MLLT3: variants seen among roughly 807,000 people sequenced by gnomAD.
MLLT3 encodes MLLT3 super elongation complex subunit, also known as protein AF-9.
A neutral mutation model predicts 53.2 loss-of-function variants in MLLT3; 4 were observed. The ratio of observed to expected loss-of-function variants is 0.08; its 90% CI spans 0.04 to 0.17. The LOEUF (loss-of-function observed/expected upper bound fraction) is 0.17, where lower values mean the gene tolerates loss of function less well. MLLT3 is among the 10% of genes least tolerant of loss of function. The probability of loss-of-function intolerance (pLI) is 1.00; values close to 1 mark genes in which losing one functional copy is unlikely to be tolerated. For missense variants in MLLT3, 569 were observed against 684.0 expected, an observed-to-expected ratio of 0.83 and a Z score of 1.87; for synonymous variants, 283 against 230.6, an observed-to-expected ratio of 1.23 and a Z score of -2.06.
intron 3 of MLLT3, among the ~76,000 whole-genome samples, chr9:20,454,411 T>A (rs536500440): frequency 6.6e-6 from 1 of 152,256 alleles, no homozygotes; most frequent in Non-Finnish European, 1.5e-5. Context: ...CAGATTCCTC[T>A]GTTCAACTCC....
At chr9:20,591,372 A>G (rs1190650357) in intron 2 of MLLT3, among the ~76,000 whole-genome samples, 1 of 152,180 alleles carries the variant, frequency 6.6e-6, no homozygotes, top group Non-Finnish European at 1.5e-5. Context: ...GTGTGGAGGA[A>G]GCATTTTTAA....
At chr9:20,425,746 ATTATAT>A (rs1479199403) in intron 4 of MLLT3, among the ~76,000 whole-genome samples, 1 of 152,054 alleles carries the variant, frequency 6.6e-6, no homozygotes, top group African/African-American at 2.4e-5. Context: ...AAATCTACAA[ATTATAT>A]TTATAATTGA....
At chr9:20,568,434 G>A (rs922694922) in intron 2 of MLLT3, among the ~76,000 whole-genome samples, 54 of 152,110 alleles carry the variant, frequency 3.6e-4, no homozygotes, top group Admixed American at 3.3e-3. Context: ...TATTCAGTAT[G>A]CTTTTTGACA....
rs528172404 is a variant in MLLT3 at position 20,615,184 on chromosome 9, A to G, written c.193+5470T>C. Among the ~76,000 whole-genome samples the G allele has an allele frequency of 2.0e-5, 3 of 151,906 alleles. No homozygotes were observed. In the South Asian group the frequency reaches 6.3e-4, roughly 32 times the overall value. On this transcript the variant is annotated intron_variant, in intron 2 of 10. Coordinates refer to ENST00000380338, the MANE Select transcript of MLLT3 (RefSeq NM_004529.4). ...CATAGTGAAACCCCATCTCTACCAAAAACACACACACACACAAACTGCCAG... is the reference window on the plus strand; with the variant it reads ...CATAGTGAAACCCCATCTCTACCAAGAACACACACACACACAAACTGCCAG...
intron 8 of MLLT3, among the ~76,000 whole-genome samples, chr9:20,357,981 G>A (rs7867173): frequency 0.23 from 32,481 of 139,142 alleles, 8,084 homozygotes; most frequent in African/African-American, 0.63. Context: ...TCCCTCCTGC[G>A]CACACACACA....
At chr9:20,588,991 T>C (rs1478220731) in intron 2 of MLLT3, among the ~76,000 whole-genome samples, 6 of 151,354 alleles carry the variant, frequency 4.0e-5, no homozygotes, top group Non-Finnish European at 7.4e-5. Flanking sequence ...TTGGTGGGAC[T>C]GTAAACTAGT....
At chr9:20,524,927 G>C (rs190665123) in intron 2 of MLLT3, among the ~76,000 whole-genome samples, 1 of 152,188 alleles carries the variant, frequency 6.6e-6, no homozygotes. Flanking sequence ...GCTTCAGTCA[G>C]AAGGGAGCAG....
chr9:20,469,381 A>T (rs1330541936), intron 2 of MLLT3, among the ~76,000 whole-genome samples: 1 of 152,118 alleles, frequency 6.6e-6, no homozygotes, highest in Non-Finnish European at 1.5e-5. Context: ...GAATGTTATG[A>T]TTTTTCTATA....
chr9:20,414,259 G>C lies in MLLT3; in HGVS notation c.587C>G (p.Pro196Arg), dbSNP rs1822805738. ...SSSSSTSFSK[P>R]HKLMKEHKEK... ...CTTGTGCTCCTTCATTAATTTGTGAGGCTTTGAAAAACTGGTACTACTGCT... is the reference window on the plus strand; with the variant it reads ...CTTGTGCTCCTTCATTAATTTGTGACGCTTTGAAAAACTGGTACTACTGCT... Residue 196 changes from proline (P) to arginine (R), a missense_variant, in exon 5 of 11, where the codon CCT becomes CGT. By Grantham distance (103) the Pro-to-Arg change is moderately radical. Transcript: ENST00000380338. The C allele has an allele frequency of 6.2e-7, 1 of 1,611,846 alleles. No homozygotes were observed.
At chr9:20,355,732 T>C (rs1401282648) in intron 8 of MLLT3, among the ~76,000 whole-genome samples, 3 of 152,218 alleles carry the variant, frequency 2.0e-5, no homozygotes, top group Non-Finnish European at 4.4e-5. Flanking sequence ...GCAAAGTAAT[T>C]TGTCTTTTTC....
At chr9:20,569,306 C>A (rs1457875648) in intron 2 of MLLT3, among the ~76,000 whole-genome samples, 1 of 152,112 alleles carries the variant, frequency 6.6e-6, no homozygotes, top group African/African-American at 2.4e-5. Flanking sequence ...ACCAGGTAAC[C>A]TGCTCCAGAT....
chr9:20,490,780 A>C (rs1472771844), intron 2 of MLLT3, among the ~76,000 whole-genome samples: 1 of 152,232 alleles, frequency 6.6e-6, no homozygotes, highest in Non-Finnish European at 1.5e-5. Context: ...AACCCATTTA[A>C]TTCTCACAAC....
chr9:20,585,036 T>G lies in MLLT3; in HGVS notation c.193+35618A>C, dbSNP rs566449866. Among the ~76,000 whole-genome samples, 8 of 152,312 alleles carry G rather than the reference T, an allele frequency of 5.3e-5. No individual in the cohort carries two copies. The East Asian group carries it at 1.5e-3, about 29-fold the overall frequency. On this transcript the variant is annotated intron_variant, in intron 2 of 10. Transcript: ENST00000380338. Reference sequence around the variant, plus strand: ...TTTGAGTAAATACTTTGGAGCATGATTTCTGAATCACATGATGCATTAATC... The same window carrying G: ...TTTGAGTAAATACTTTGGAGCATGAGTTCTGAATCACATGATGCATTAATC...
chr9:20,399,454 G>C (rs1488882431), intron 5 of MLLT3, among the ~76,000 whole-genome samples: 2 of 152,064 alleles, frequency 1.3e-5, no homozygotes, highest in African/African-American at 4.8e-5. Context: ...CCACTGGTCA[G>C]GAGAAAAACA....
Position 20,501,614 on chromosome 9 carries a change from G to A in MLLT3, c.194-44828C>T, listed in dbSNP as rs368911566. Among the ~76,000 whole-genome samples the A allele has an allele frequency of 1.1e-3, 167 of 152,100 alleles. 1 individual carries two copies. The highest frequency in any genetic ancestry group is 3.6e-3 in the African/African-American group (151 of 41,504). On this transcript the variant is annotated intron_variant, in intron 2 of 10. Transcript: ENST00000380338. The stretch of plus-strand genomic sequence containing the variant: ...AAAATACAAAAAATTAGCCGGGCGC[G>A]GTGGCGGGCGCCTGCAGTCCCAGCT...
chr9:20,343,183 C>CAA lies in MLLT3; in HGVS notation c.*3258_*3259dup, dbSNP rs71334526. The CAA allele has an allele frequency of 0.031, 1,231 of 40,096 alleles. 44 individuals carry two copies. Among genetic ancestry groups the CAA allele is most frequent in the Non-Finnish European group, 0.042 (1,022 of 24,596 alleles). The allele number at this position is 40,096 out of a possible 1,614,324, so 2.5% of individuals were successfully genotyped here. On this transcript the variant is annotated 3_prime_UTR_variant, in exon 11 of 11. Coordinates refer to ENST00000380338, the MANE Select transcript of MLLT3 (RefSeq NM_004529.4). ...TAGGTGGGCCTGTAAAAGATATCGG[C>CAA]AAAAAAAAAAAAAAAAAAAAAAAAA...
chr9:20,352,167 A>G (rs913598640), intron 10 of MLLT3, among the ~76,000 whole-genome samples: 2 of 152,254 alleles, frequency 1.3e-5, no homozygotes, highest in African/African-American at 4.8e-5. Context: ...CCAATGGCCT[A>G]GTATCCTTGA....
chr9:20,373,362 T>C (rs574833066), intron 5 of MLLT3, among the ~76,000 whole-genome samples: 2 of 152,306 alleles, frequency 1.3e-5, no homozygotes, highest in Non-Finnish European at 2.9e-5. Flanking sequence ...TTGTAATGGA[T>C]TTTCTACAGA....
chr9:20,468,737 C>T (rs1447869633), intron 2 of MLLT3, among the ~76,000 whole-genome samples: 1 of 152,222 alleles, frequency 6.6e-6, no homozygotes, highest in Non-Finnish European at 1.5e-5. Context: ...GAGGCTGCTT[C>T]CACATCTAAA....
Sources: allele counts gnomAD v4.1 joint callset (sites outside exome capture counted in the v4.1 genomes callset), GRCh38; gene constraint gnomAD v4.1.1; transcripts MANE v1.5; gene names NCBI Gene and HGNC (gene_info 2026-07-23, HGNC 2026-07-21).